DOCK2: variants seen among roughly 807,000 people sequenced by gnomAD.
DOCK2 encodes dedicator of cytokinesis 2, also known as dedicator of cytokinesis protein 2.
A neutral mutation model predicts 248.9 loss-of-function variants in DOCK2; 87 were observed. The ratio of observed to expected loss-of-function variants is 0.35; its 90% CI spans 0.29 to 0.42. The LOEUF is 0.42. DOCK2 is among the 10% of genes least tolerant of loss of function. DOCK2 has a pLI of 1.00. For synonymous variants in DOCK2, 805 were observed against 821.6 expected, an observed-to-expected ratio of 0.98 and a Z score of 0.35; for missense variants, 1,747 against 2,300.2, an observed-to-expected ratio of 0.76 and a Z score of 4.92.
intron 41 of DOCK2, 107 bp from the exon 42 acceptor site, chr5:170,055,198 A>C (rs1757079158): frequency 9.6e-7 from 1 of 1,038,236 alleles, no homozygotes; most frequent in African/African-American, 1.6e-5. Flanking sequence ...ATTCAGTAAA[A>C]ATGTGGCCCC....
chr5:169,842,549 G>A (rs1196389045), intron 27 of DOCK2, among the ~76,000 whole-genome samples: 2 of 152,032 alleles, frequency 1.3e-5, no homozygotes, highest in Non-Finnish European at 1.5e-5. Flanking sequence ...GTAGAGGCAG[G>A]GTTTTACTAC....
chr5:169,730,016 G>T (rs1581107461), intron 22 of DOCK2, among the ~76,000 whole-genome samples: 1 of 152,158 alleles, frequency 6.6e-6, no homozygotes, highest in Non-Finnish European at 1.5e-5. Flanking sequence ...GAGTGCAATG[G>T]CACAATCTCG....
intron 27 of DOCK2, among the ~76,000 whole-genome samples, chr5:169,960,359 G>T (rs1777035432): frequency 6.6e-6 from 1 of 152,182 alleles, no homozygotes; most frequent in Admixed American, 6.5e-5. Context: ...CCTGAAAGGT[G>T]CTATTTCTGG....
intron 27 of DOCK2, among the ~76,000 whole-genome samples, chr5:169,916,195 A>G (rs557984995): frequency 1.3e-5 from 2 of 152,334 alleles, no homozygotes; most frequent in Non-Finnish European, 2.9e-5. Context: ...GAGTCTTTTA[A>G]GAGTGTGGGA....
Position 169,681,822 on chromosome 5 carries a change from G to A in DOCK2, c.549G>A (p.Leu183=). 1 of 1,613,968 alleles carries A rather than the reference G, an allele frequency of 6.2e-7. No homozygotes were observed. The highest frequency in any genetic ancestry group is 8.5e-7 in the Non-Finnish European group (1 of 1,179,926). The change falls in exon 7 of 52, where the codon TTG becomes TTA. Residue 183 remains leucine, a synonymous_variant. Transcript: ENST00000520908. ...CTGATAATACCAGTGTCATCAGCTT[G>A]TTCCATGCACATGAGGAAGCAACTG... The part of the protein sequence containing the change: ...LDPDNTSVIS[L]FHAHEEATDK...
chr5:169,985,719 C>T, intron 28 of DOCK2, 109 bp from the exon 29 acceptor site: 1 of 725,868 alleles, frequency 1.4e-6, no homozygotes, highest in Non-Finnish European at 2.1e-6. Flanking sequence ...GGCTGTGTCC[C>T]TTCCCTTTTC....
chr5:169,704,483 C>T (rs1195288204), intron 14 of DOCK2, among the ~76,000 whole-genome samples: 1 of 152,102 alleles, frequency 6.6e-6, no homozygotes, highest in African/African-American at 2.4e-5. Context: ...ATGGGGTGGG[C>T]TCTGGGGTCA....
intron 17 of DOCK2, among the ~76,000 whole-genome samples, chr5:169,713,794 C>A (rs1487682675): frequency 6.6e-6 from 1 of 152,208 alleles, no homozygotes; most frequent in Non-Finnish European, 1.5e-5. Context: ...ATGAGGTTCA[C>A]AGAGCTTTCA....
chr5:169,986,033 T>C, intron 29 of DOCK2, 111 bp downstream of exon 29: 1 of 959,924 alleles, frequency 1.0e-6, no homozygotes, highest in Non-Finnish European at 1.5e-6. Flanking sequence ...GAAATTAAAG[T>C]GTTAAGGCAT....
intron 33 of DOCK2, among the ~76,000 whole-genome samples, chr5:170,022,683 C>G (rs1444134781): frequency 2.6e-5 from 4 of 152,142 alleles, no homozygotes; most frequent in Non-Finnish European, 5.9e-5. Context: ...CCTATCCTGC[C>G]TGGATTGAGC....
chr5:169,724,639 G>A (rs1426704122), intron 22 of DOCK2, among the ~76,000 whole-genome samples: 5 of 152,046 alleles, frequency 3.3e-5, no homozygotes, highest in South Asian at 4.1e-4. Context: ...GCTCAGCGAC[G>A]CCTCCAGTCT....
chr5:169,708,105 C>A, intron 14 of DOCK2, 64 bp from the exon 15 acceptor site: 3 of 1,565,438 alleles, frequency 1.9e-6, no homozygotes, highest in Non-Finnish European at 2.6e-6. Flanking sequence ...GGGACCAAAC[C>A]TGCACAAGCA....
At chr5:170,080,405 G>C in intron 50 of DOCK2, 122 bp downstream of exon 50, 1 of 1,474,198 alleles carries the variant, frequency 6.8e-7, no homozygotes, top group Non-Finnish European at 9.1e-7. Flanking sequence ...CCTGGAGTGA[G>C]AGGCTCTGCT....
At chr5:170,055,893 C>A (rs1233214585) in intron 42 of DOCK2, among the ~76,000 whole-genome samples, 1 of 152,242 alleles carries the variant, frequency 6.6e-6, no homozygotes, top group Non-Finnish European at 1.5e-5. Context: ...TCCACCTGTT[C>A]TAGATCAGAT....
chr5:169,778,911 AT>A (rs1366265206), intron 25 of DOCK2, among the ~76,000 whole-genome samples: 4 of 152,330 alleles, frequency 2.6e-5, no homozygotes, highest in Admixed American at 2.6e-4. Context: ...CAGCAAAAAA[AT>A]TCTAAGTCTA....
chr5:169,866,437 C>A (rs1330879557), intron 27 of DOCK2, among the ~76,000 whole-genome samples: 1 of 152,228 alleles, frequency 6.6e-6, no homozygotes, highest in Non-Finnish European at 1.5e-5. Flanking sequence ...AGTGCCTACG[C>A]AAAGGACCTC....
At chr5:169,700,212 C>T (rs1760883721) in intron 13 of DOCK2, 73 bp downstream of exon 13, 3 of 1,542,184 alleles carry the variant, frequency 1.9e-6, no homozygotes, top group Non-Finnish European at 2.6e-6. Context: ...CATTTTCCTT[C>T]TAAAGAGTCA....
intron 14 of DOCK2, among the ~76,000 whole-genome samples, chr5:169,704,378 G>A (rs1761131346): frequency 6.6e-6 from 1 of 152,166 alleles, no homozygotes; most frequent in African/African-American, 2.4e-5. Context: ...GTCTTTGGCA[G>A]AGCAGGACCA....
In DOCK2 at chr5:170,018,942, G is replaced by C. The variant is rs762520713; in HGVS notation, c.3233-18G>C. 1.1e-5 allele frequency: 18 copies of C among 1,613,096 alleles called. No individual in the cohort carries two copies. The highest frequency in any genetic ancestry group is 1.4e-5 in the Non-Finnish European group (17 of 1,179,390). On this transcript the variant is annotated intron_variant, in intron 32 of 51. Transcript: ENST00000520908. ...TCGCCGAACTGTTTTATGTGTTCAT[G>C]TTCCTCTTCTCTTTCAGGTCAGAAC...
Sources: allele counts gnomAD v4.1 joint callset (sites outside exome capture counted in the v4.1 genomes callset), GRCh38; gene constraint gnomAD v4.1.1; transcripts MANE v1.5; gene names NCBI Gene and HGNC (gene_info 2026-07-23, HGNC 2026-07-21).